VPS50: variants seen among roughly 807,000 people sequenced by gnomAD.
The protein encoded by VPS50 is VPS50 subunit of EARP/GARPII complex.
A neutral mutation model predicts 139.7 loss-of-function variants in VPS50; 70 were observed. The observed-to-expected ratio is 0.50, with a 90% CI of 0.41 to 0.61. The LOEUF (loss-of-function observed/expected upper bound fraction) is 0.61. Ranked by LOEUF, VPS50 falls within the 20% of genes least tolerant of loss-of-function variation. VPS50 has a pLI of 0.00. For missense variants in VPS50, 921 were observed against 1,133.7 expected (o/e 0.81, Z 2.69); for synonymous variants, 365 against 376.7 (o/e 0.97, Z 0.36).
chr7:93,347,642 A>C (rs1159213544), intron 23 of VPS50, among the ~76,000 whole-genome samples: 1 of 146,988 alleles, frequency 6.8e-6, no homozygotes, highest in Non-Finnish European at 1.5e-5. Flanking sequence ...AATACTATGC[A>C]GCCATAAAAA....
At chr7:93,288,338 G>A (rs1042622880) in intron 12 of VPS50, among the ~76,000 whole-genome samples, 2 of 152,120 alleles carry the variant, frequency 1.3e-5, no homozygotes, top group East Asian at 1.9e-4. Context: ...CAGCTGCAAA[G>A]TACTCTTTTG....
At chr7:93,317,400 G>GTGGTA (rs1414149443) in intron 20 of VPS50, among the ~76,000 whole-genome samples, 1 of 151,964 alleles carries the variant, frequency 6.6e-6, no homozygotes, top group Non-Finnish European at 1.5e-5. Context: ...AAATACAAAA[G>GTGGTA]TTAGCCAGAT....
At chr7:93,303,112 A>C (rs1038144379) in intron 16 of VPS50, among the ~76,000 whole-genome samples, 1 of 151,948 alleles carries the variant, frequency 6.6e-6, no homozygotes, top group Non-Finnish European at 1.5e-5. Context: ...TTGATGTTTT[A>C]GCATCAATAT....
At chr7:93,305,623 C>G (rs1296881842) in intron 17 of VPS50, among the ~76,000 whole-genome samples, 1 of 151,764 alleles carries the variant, frequency 6.6e-6, no homozygotes, top group Non-Finnish European at 1.5e-5. Context: ...TAAGTGATAC[C>G]ATTCACTGAG....
chr7:93,258,319 G>T (rs781727232), intron 7 of VPS50, 38 bp from the exon 8 acceptor site: 2 of 1,607,006 alleles, frequency 1.2e-6, no homozygotes, highest in South Asian at 1.1e-5. Context: ...GAATTTTGTG[G>T]TTGAAACAGA....
Position 93,240,217 on chromosome 7 carries a change from GCACACACACA to G in VPS50, c.102+307_102+316del, listed in dbSNP as rs371902647. ...TGAAAGCAGTTGTATATATGTGTATGCACACACACACACACACACACACACACACACACTC... is the reference window on the plus strand; with the variant it reads ...TGAAAGCAGTTGTATATATGTGTATGCACACACACACACACACACACACTC... On this transcript the variant is annotated intron_variant, in intron 2 of 27. Coordinates refer to ENST00000305866, the MANE Select transcript of VPS50 (RefSeq NM_017667.4). Among the ~76,000 whole-genome samples the G allele has an allele frequency of 8.7e-3, 1,239 of 142,380 alleles. 14 individuals carry two copies. The highest frequency in any genetic ancestry group is 9.0e-3 in the Non-Finnish European group (585 of 65,308). 93.4% of individuals were successfully genotyped at this position (142,380 alleles called of 152,430 possible).
chr7:93,334,190 T>C lies in VPS50; in HGVS notation c.2051T>C (p.Ile684Thr), dbSNP rs774804173. ...TTLNRIQESL[I>T]DLEVSADPTA... ...CTAAACAGAATACAAGAAAGCCTTA[T>C]TGATCTAGTAAGTAACGAATTGGAA... is the stretch of plus-strand genomic sequence containing the variant. Residue 684 changes from isoleucine (I) to threonine (T), a missense_variant, in exon 22 of 28, where the codon ATT becomes ACT. Around this residue, in one of 3 missense-constraint regions of VPS50, gnomAD observed 744 missense variants for 930.6 expected, o/e 0.80. Coordinates refer to ENST00000305866, the MANE Select transcript of VPS50 (RefSeq NM_017667.4). The C allele has an allele frequency of 6.5e-7, 1 of 1,531,046 alleles. No individual in the cohort carries two copies. The highest frequency in any genetic ancestry group is 9.0e-7 in the Non-Finnish European group (1 of 1,111,376). The allele number at this position is 1,531,046 out of a possible 1,614,324, so 94.8% of individuals were successfully genotyped here. A position where few individuals can be genotyped will look rare whatever the true frequency, so the allele number is the denominator to read the frequency against.
intron 12 of VPS50, among the ~76,000 whole-genome samples, chr7:93,284,727 A>G (rs1204459597): frequency 2.6e-5 from 4 of 152,128 alleles, no homozygotes; most frequent in Non-Finnish European, 5.9e-5. Flanking sequence ...GAGGGACTCT[A>G]GGAGATTTGC....
intron 2 of VPS50, among the ~76,000 whole-genome samples, chr7:93,241,048 A>C (rs1794973680): frequency 6.6e-6 from 1 of 152,196 alleles, no homozygotes; most frequent in Admixed American, 6.5e-5. Context: ...TAATTAATTG[A>C]CAATAATTCT....
chr7:93,324,270 A>G (rs900456068), intron 21 of VPS50, among the ~76,000 whole-genome samples: 1 of 152,116 alleles, frequency 6.6e-6, no homozygotes, highest in Non-Finnish European at 1.5e-5. Context: ...CTAATTGAAT[A>G]CCCTTTATTT....
Position 93,271,219 on chromosome 7 carries a change from G to A in VPS50, c.660-1G>A. 1.3e-6 allele frequency: 2 copies of A among 1,547,242 alleles called. No homozygotes were observed. Among genetic ancestry groups the A allele is most frequent in the Admixed American group, 2.1e-5 (1 of 47,102 alleles). On this transcript the variant is annotated splice_acceptor_variant, in intron 9 of 27. Coordinates refer to ENST00000305866, the MANE Select transcript of VPS50 (RefSeq NM_017667.4). LOFTEE classifies it high-confidence loss of function. ...AAAACTGTTTTTTTTTTTTTTAATA[G>A]TGAACTGAATTCAAAGCTGCAAGAT... is the stretch of plus-strand genomic sequence containing the variant.
chr7:93,318,239 A>G (rs1797487717), intron 20 of VPS50, among the ~76,000 whole-genome samples: 1 of 152,120 alleles, frequency 6.6e-6, no homozygotes, highest in South Asian at 2.1e-4. Context: ...GGATAATCCC[A>G]AAAGCACCAT....
chr7:93,321,855 T>G (rs1371425517), intron 20 of VPS50, among the ~76,000 whole-genome samples: 2 of 152,244 alleles, frequency 1.3e-5, no homozygotes, highest in African/African-American at 4.8e-5. Flanking sequence ...TGTTTTTAAC[T>G]GAGTAATGTA....
chr7:93,258,477 C>A, intron 8 of VPS50, 85 bp downstream of exon 8: 1 of 993,852 alleles, frequency 1.0e-6, no homozygotes, highest in Non-Finnish European at 1.6e-6. Flanking sequence ...GCATTTTTCT[C>A]AAATGGGTTT....
chr7:93,313,924 G>C (rs1005131737), intron 20 of VPS50, among the ~76,000 whole-genome samples: 1 of 152,126 alleles, frequency 6.6e-6, no homozygotes, highest in African/African-American at 2.4e-5. Flanking sequence ...TTCTCATTTA[G>C]GACTGGGATT....
intron 12 of VPS50, among the ~76,000 whole-genome samples, chr7:93,284,309 G>A (rs970002114): frequency 4.6e-5 from 7 of 152,052 alleles, no homozygotes; most frequent in Non-Finnish European, 8.8e-5. Flanking sequence ...ATCTCAGGCA[G>A]CGTGAGGGTT....
At chr7:93,343,838 C>T (rs553399951) in intron 23 of VPS50, among the ~76,000 whole-genome samples, 1 of 151,974 alleles carries the variant, frequency 6.6e-6, no homozygotes, top group East Asian at 1.9e-4. Flanking sequence ...AGCGCTAAAC[C>T]TGGAAAGGAA....
At chr7:93,303,575 A>C (rs768972243) in intron 17 of VPS50, 25 bp downstream of exon 17, 1 of 1,110,966 alleles carries the variant, frequency 9.0e-7, no homozygotes, top group Non-Finnish European at 1.3e-6. Context: ...AGAACAAAGA[A>C]ATCTGTCTTT....
chr7:93,270,124 T>C (rs1795959964), intron 9 of VPS50, among the ~76,000 whole-genome samples: 1 of 152,058 alleles, frequency 6.6e-6, no homozygotes, highest in Non-Finnish European at 1.5e-5. Context: ...CTATTGATTT[T>C]TTTTTTTTAC....
Sources: allele counts gnomAD v4.1 joint callset (sites outside exome capture counted in the v4.1 genomes callset), GRCh38; gene constraint gnomAD v4.1.1; regional missense constraint gnomAD v4.1.1; transcripts MANE v1.5; gene names NCBI Gene and HGNC (gene_info 2026-07-23, HGNC 2026-07-21).